Variants in HIVEP1 observed in about 807,000 individuals in gnomAD.
HIVEP1 encodes HIVEP zinc finger 1, also known as zinc finger protein 40.
HIVEP1 carries 36 observed loss-of-function variants against 180.0 expected under a neutral mutation model. That is an observed-to-expected ratio of 0.20 (90% CI 0.15 to 0.26). The LOEUF (loss-of-function observed/expected upper bound fraction) is 0.26, where lower values mean the gene tolerates loss of function less well. Ranked by LOEUF, HIVEP1 falls within the 10% of genes least tolerant of loss-of-function variation. The pLI is 1.00. For missense variants in HIVEP1, 3,143 were observed against 3,268.7 expected (o/e 0.96, Z 0.94); for synonymous variants, 1,239 against 1,239.0 (o/e 1.00, Z 0.00).
intron 2 of HIVEP1, among the ~76,000 whole-genome samples, chr6:12,016,173 C>G (rs1767731178): frequency 6.6e-6 from 1 of 152,116 alleles, no homozygotes; most frequent in Non-Finnish European, 1.5e-5. Flanking sequence ...AGTTATTTTC[C>G]ACGAAGAAGC....
At chr6:12,060,345 T>A (rs530687123) in intron 2 of HIVEP1, among the ~76,000 whole-genome samples, 90 of 152,336 alleles carry the variant, frequency 5.9e-4, no homozygotes, top group African/African-American at 2.0e-3. Flanking sequence ...GAAATAAAAC[T>A]TCAGACAATT....
At chr6:12,176,651 T>G in the HIVEP1 span, among the ~76,000 whole-genome samples, 8 of 152,288 alleles carry the variant, frequency 5.3e-5, no homozygotes, top group South Asian at 1.7e-3. Context: ...GGGTGAATAC[T>G]CTCCATCCTT....
chr6:12,168,169 ATCTATAT>A (rs1419231550), downstream of HIVEP1, among the ~76,000 whole-genome samples: 87 of 80,866 alleles, frequency 1.1e-3, 9 homozygotes, highest in Non-Finnish European at 1.7e-3. Context: ...ATACGTGTAT[ATCTATAT>A]TATATATAGA....
chr6:12,067,036 T>C lies in HIVEP1; in HGVS notation c.41-22148T>C, dbSNP rs1160764167. On this transcript the variant is annotated intron_variant, in intron 2 of 8. Coordinates refer to ENST00000379388, the MANE Select transcript of HIVEP1 (RefSeq NM_002114.4). ...TTTCCTGAAATATAATTTAGTGTAT[T>C]TTCATCAGCAGATTTGGTGGTACAT... is the stretch of plus-strand genomic sequence containing the variant. Among the ~76,000 whole-genome samples the C allele has an allele frequency of 4.6e-5, 7 of 152,286 alleles. No homozygotes were observed. The East Asian group carries it at 1.3e-3, about 29-fold the overall frequency.
intron 2 of HIVEP1, among the ~76,000 whole-genome samples, chr6:12,019,619 TC>T (rs1458105234): frequency 2.6e-5 from 4 of 152,190 alleles, no homozygotes; most frequent in Non-Finnish European, 5.9e-5. Flanking sequence ...TTTTTAGGCT[TC>T]CTGGGGGAAA....
chr6:12,182,038 T>C, the HIVEP1 span, among the ~76,000 whole-genome samples: 1 of 152,248 alleles, frequency 6.6e-6, no homozygotes, highest in Non-Finnish European at 1.5e-5. Flanking sequence ...TTCATTATTC[T>C]GTAGTTTATT....
At position 12,123,220 on chromosome 6, in the gene HIVEP1, T is replaced by C; in HGVS notation, c.3425T>C (p.Leu1142Pro). ...TCTGTCATCCAGCACACCAACTCCC[T>C]GAGCAGGCCCAACTCATTTGACAAG... ...GISVIQHTNS[L>P]SRPNSFDKPE... The change falls in exon 4 of 9, where the codon CTG becomes CCG. Residue 1142 changes from leucine to proline, a missense_variant. Transcript: ENST00000379388. 2.5e-6 allele frequency: 4 copies of C among 1,614,184 alleles called. No homozygotes were observed. The highest frequency in any genetic ancestry group is 3.4e-6 in the Non-Finnish European group (4 of 1,180,030).
intron 3 of HIVEP1, among the ~76,000 whole-genome samples, chr6:12,112,686 A>G (rs948788151): frequency 2.0e-5 from 3 of 150,864 alleles, no homozygotes; most frequent in African/African-American, 7.3e-5. Context: ...CCACCTCCTC[A>G]CCGCCCCCCT....
At chr6:12,205,882 G>A in the HIVEP1 span, among the ~76,000 whole-genome samples, 1 of 152,208 alleles carries the variant, frequency 6.6e-6, no homozygotes, top group South Asian at 2.1e-4. Context: ...TTAGCATACA[G>A]CGTGGCACCT....
At chr6:12,168,328 T>TATATACATATA (rs1760809327), downstream of HIVEP1, among the ~76,000 whole-genome samples, 3 of 28,656 alleles carry the variant, frequency 1.0e-4, no homozygotes, top group African/African-American at 3.8e-4. Context: ...ACATATATAT[T>TATATACATATA]ATATAATTAT....
chr6:12,068,461 G>C (rs753577069), intron 2 of HIVEP1, among the ~76,000 whole-genome samples: 1 of 152,094 alleles, frequency 6.6e-6, no homozygotes, highest in Non-Finnish European at 1.5e-5. Context: ...ATCATGTTTT[G>C]TAATACTTAT....
At chr6:12,168,289 AC>A (rs1237447700), downstream of HIVEP1, among the ~76,000 whole-genome samples, 276 of 76,676 alleles carry the variant, frequency 3.6e-3, 2 homozygotes, top group Non-Finnish European at 5.9e-3. Flanking sequence ...TATATTATAT[AC>A]ATATATACAT....
rs1397306499 is a variant in HIVEP1 at position 12,120,892 on chromosome 6, C to T, written c.1097C>T (p.Thr366Ile). 1 of 1,614,180 alleles carries T rather than the reference C, an allele frequency of 6.2e-7. No individual in the cohort carries two copies. The highest frequency in any genetic ancestry group is 8.5e-7 in the Non-Finnish European group (1 of 1,180,028). Residue 366 changes from threonine (T) to isoleucine (I), a missense_variant, in exon 4 of 9, where the codon ACA becomes ATA. Coordinates refer to ENST00000379388, the MANE Select transcript of HIVEP1 (RefSeq NM_002114.4). ...TTGTCAATAAGTCCGGCTAATTCTACACAGTCGCCCCCCATGCCAATCTAT... is the reference window on the plus strand; with the variant it reads ...TTGTCAATAAGTCCGGCTAATTCTATACAGTCGCCCCCCATGCCAATCTAT... ...SPLSISPANS[T>I]QSPPMPIYNS... is the part of the protein sequence containing the mutation.
chr6:12,047,880 A>T (rs1157642929), intron 2 of HIVEP1, among the ~76,000 whole-genome samples: 2 of 152,222 alleles, frequency 1.3e-5, no homozygotes, highest in Non-Finnish European at 2.9e-5. Flanking sequence ...AAAGAATTTC[A>T]GACCTTTGTT....
intron 2 of HIVEP1, among the ~76,000 whole-genome samples, chr6:12,087,954 A>C (rs1423838902): frequency 6.6e-6 from 1 of 152,184 alleles, no homozygotes; most frequent in Admixed American, 6.5e-5. Flanking sequence ...TATTGTTGAG[A>C]TGTAATGTCC....
chr6:12,057,392 C>T (rs1481792881), intron 2 of HIVEP1, among the ~76,000 whole-genome samples: 3 of 152,150 alleles, frequency 2.0e-5, no homozygotes, highest in Non-Finnish European at 4.4e-5. Context: ...AAATGGTTGG[C>T]AGTCAGTAAT....
At position 12,123,618 on chromosome 6, in the gene HIVEP1, G is replaced by A; in HGVS notation, c.3823G>A (p.Glu1275Lys). ...RSETLSKLPT[E>K]KLPPKKKRLR... Reference sequence around the variant, plus strand: ...TGAAACCTTGTCAAAATTGCCAACAGAGAAACTGCCACCCAAAAAGAAAAG... The same window carrying A: ...TGAAACCTTGTCAAAATTGCCAACAAAGAAACTGCCACCCAAAAAGAAAAG... The change falls in exon 4 of 9, where the codon GAG (glutamate) becomes AAG (lysine). Residue 1275 changes from glutamate (E) to lysine (K), a missense_variant. By Grantham distance (56) the Glu-to-Lys change is moderately conservative. Coordinates refer to ENST00000379388, the MANE Select transcript of HIVEP1 (RefSeq NM_002114.4). 6.2e-7 allele frequency: 1 copy of A among 1,614,124 alleles called. No individual in the cohort carries two copies. The highest frequency in any genetic ancestry group is 8.5e-7 in the Non-Finnish European group (1 of 1,180,022).
intron 1 of HIVEP1, chr6:12,012,779 G>C (rs1021214805): frequency 6.5e-6 from 1 of 152,924 alleles, no homozygotes; most frequent in African/African-American, 2.4e-5. Context: ...CGCCGCGCGC[G>C]AGCCGAGCAG....
At chr6:12,095,699 A>G (rs1314800829) in intron 3 of HIVEP1, among the ~76,000 whole-genome samples, 1 of 152,030 alleles carries the variant, frequency 6.6e-6, no homozygotes, top group Non-Finnish European at 1.5e-5. Flanking sequence ...TGAGCATTTT[A>G]TAAGTAAATT....
Sources: allele counts gnomAD v4.1 joint callset (sites outside exome capture counted in the v4.1 genomes callset), GRCh38; gene constraint gnomAD v4.1.1; transcripts MANE v1.5; gene names NCBI Gene and HGNC (gene_info 2026-07-23, HGNC 2026-07-21).